NCKAP5: variants seen among roughly 807,000 people sequenced by gnomAD.
NCKAP5 encodes nck-associated protein 5.
Under a neutral mutation model 167.0 loss-of-function variants are expected in NCKAP5, and 92 were observed. The observed-to-expected ratio is 0.55, with a 90% CI of 0.47 to 0.66. The LOEUF is 0.66. NCKAP5 is among the 30% of genes least tolerant of loss of function. The pLI, the probability that NCKAP5 is intolerant of heterozygous loss-of-function variation, is 0.00. For synonymous variants in NCKAP5, 891 were observed against 877.4 expected (o/e 1.02, Z -0.27); for missense variants, 2,378 against 2,315.0 (o/e 1.03, Z -0.56).
rs957910219 is a variant in NCKAP5 at position 133,422,731 on chromosome 2, T to G, written c.69+94727A>C. Among the ~76,000 whole-genome samples the G allele has an allele frequency of 1.3e-5, 2 of 152,190 alleles. 1 individual carries two copies. Among genetic ancestry groups the G allele is most frequent in the Admixed American group, 1.3e-4 (2 of 15,282 alleles). On this transcript the variant is annotated intron_variant, in intron 3 of 19. Transcript: ENST00000409261. The stretch of plus-strand genomic sequence containing the variant: ...CTCTTTTAAATAATAGAGATAGATA[T>G]GCAGAACCACTTGGCATCACTAAAA...
At chr2:133,497,093 A>G (rs899526665) in intron 3 of NCKAP5, among the ~76,000 whole-genome samples, 2 of 152,226 alleles carry the variant, frequency 1.3e-5, no homozygotes, top group Non-Finnish European at 2.9e-5. Context: ...ATGGAAACTG[A>G]GCACTATACA....
At chr2:133,577,954 G>C in the NCKAP5 span, among the ~76,000 whole-genome samples, 1 of 152,112 alleles carries the variant, frequency 6.6e-6, no homozygotes, top group African/African-American at 2.4e-5. Context: ...CACCTAAGAC[G>C]ACCCAGCTCC....
intron 3 of NCKAP5, among the ~76,000 whole-genome samples, chr2:133,468,549 C>G (rs1441910583): frequency 1.3e-5 from 2 of 152,010 alleles, no homozygotes; most frequent in East Asian, 1.9e-4. Flanking sequence ...GAGCTGAGTT[C>G]AATTCCTGGG....
chr2:133,493,284 C>A (rs1396016059), intron 3 of NCKAP5, among the ~76,000 whole-genome samples: 8 of 152,150 alleles, frequency 5.3e-5, no homozygotes, highest in African/African-American at 1.7e-4. Context: ...CATGTCAATA[C>A]AACAGGTCCA....
intron 5 of NCKAP5, among the ~76,000 whole-genome samples, chr2:133,172,558 G>C (rs550517703): frequency 6.6e-6 from 1 of 152,114 alleles, no homozygotes; most frequent in African/African-American, 2.4e-5. Context: ...TGCAACCTCC[G>C]CCTCCCAAGT....
intron 7 of NCKAP5, among the ~76,000 whole-genome samples, chr2:132,966,506 G>C (rs764572590): frequency 6.6e-6 from 1 of 152,090 alleles, no homozygotes; most frequent in African/African-American, 2.4e-5. Flanking sequence ...TAGTGAATTC[G>C]TGTCATTCAC....
At chr2:132,780,635 C>T (rs886498652) in intron 15 of NCKAP5, among the ~76,000 whole-genome samples, 1 of 152,162 alleles carries the variant, frequency 6.6e-6, no homozygotes, top group Non-Finnish European at 1.5e-5. Flanking sequence ...TCAAAATAGG[C>T]AATACTCTCT....
intron 3 of NCKAP5, among the ~76,000 whole-genome samples, chr2:133,477,541 C>T (rs1003015031): frequency 1.3e-5 from 2 of 152,140 alleles, no homozygotes; most frequent in African/African-American, 4.8e-5. Flanking sequence ...TAGAACCCAA[C>T]CCTATATACA....
intron 16 of NCKAP5, among the ~76,000 whole-genome samples, chr2:132,753,968 C>T (rs1680322149): frequency 6.6e-6 from 1 of 152,190 alleles, no homozygotes; most frequent in Non-Finnish European, 1.5e-5. Context: ...TCCCTCATTC[C>T]TCAGGTGAGA....
Position 133,442,557 on chromosome 2 carries a change from T to C in NCKAP5, c.69+74901A>G, listed in dbSNP as rs147236650. ...CAACCCCACTGCTTCCCTTCTAGGGTGTAGGTCTCCTAATGGACTGCCTCC... is the reference window on the plus strand; with the variant it reads ...CAACCCCACTGCTTCCCTTCTAGGGCGTAGGTCTCCTAATGGACTGCCTCC... On this transcript the variant is annotated intron_variant, in intron 3 of 19. Transcript: ENST00000409261. Among the ~76,000 whole-genome samples, 1,452 of 152,276 alleles carry C rather than the reference T, an allele frequency of 9.5e-3. 11 individuals are homozygous for C. The highest frequency in any genetic ancestry group is 0.013 in the Non-Finnish European group (868 of 67,998).
rs1460807419 is a variant in NCKAP5, at chr2:133,213,928, A to ACTGATTGGTCATGAATGCATTGTTT, written c.144-174_144-150dup. On this transcript the variant is annotated intron_variant, in intron 4 of 19. Coordinates refer to ENST00000409261, the MANE Select transcript of NCKAP5 (RefSeq NM_207363.3). ...CTCTATACTTTCTATAAATATTTAAACTGATTGGTCATGAATGCATTGTTT... is the reference window on the plus strand; with the variant it reads ...CTCTATACTTTCTATAAATATTTAAACTGATTGGTCATGAATGCATTGTTTCTGATTGGTCATGAATGCATTGTTT... 7.1e-6 allele frequency: 5 copies of ACTGATTGGTCATGAATGCATTGTTT among 700,838 alleles called. No homozygotes were observed. The African/African-American group carries it at 7.2e-5, about 10-fold the overall frequency. The allele number at this position is 700,838 out of a possible 1,614,324, so 43.4% of individuals were successfully genotyped here. A position where few individuals can be genotyped will look rare whatever the true frequency, so the allele number is the denominator to read the frequency against.
intron 19 of NCKAP5, among the ~76,000 whole-genome samples, chr2:132,698,092 C>T (rs1687519316): frequency 6.6e-6 from 1 of 152,182 alleles, no homozygotes; most frequent in Non-Finnish European, 1.5e-5. Flanking sequence ...GTTATGCAGA[C>T]CATGTCTTTA....
intron 3 of NCKAP5, among the ~76,000 whole-genome samples, chr2:133,498,271 GC>G (rs1682120864): frequency 6.6e-6 from 1 of 152,126 alleles, no homozygotes; most frequent in Non-Finnish European, 1.5e-5. Context: ...GCTGCAAAAG[GC>G]TGGGGAGGGG....
intron 6 of NCKAP5, among the ~76,000 whole-genome samples, chr2:133,037,926 G>A (rs1191812604): frequency 6.6e-6 from 1 of 151,898 alleles, no homozygotes; most frequent in Admixed American, 6.6e-5. Flanking sequence ...GAATATACTT[G>A]TCCCAGTTAA....
intron 6 of NCKAP5, among the ~76,000 whole-genome samples, chr2:133,019,388 G>A (rs952075843): frequency 2.0e-5 from 3 of 152,138 alleles, no homozygotes; most frequent in African/African-American, 7.2e-5. Context: ...AATTGGGGCA[G>A]GGGAAGGAAG....
At chr2:132,795,537 C>G (rs1422964678) in intron 12 of NCKAP5, among the ~76,000 whole-genome samples, 1 of 152,042 alleles carries the variant, frequency 6.6e-6, no homozygotes, top group Non-Finnish European at 1.5e-5. Context: ...GATAATGAAG[C>G]TGGCCCAGTG....
intron 6 of NCKAP5, among the ~76,000 whole-genome samples, chr2:133,093,999 G>C (rs2081270129): frequency 6.6e-6 from 1 of 152,186 alleles, no homozygotes; most frequent in Non-Finnish European, 1.5e-5. Flanking sequence ...GAGGTCTGAG[G>C]CTCTCAGGGA....
chr2:133,534,267 T>G (rs573064327), intron 2 of NCKAP5, among the ~76,000 whole-genome samples: 5 of 152,314 alleles, frequency 3.3e-5, no homozygotes, highest in East Asian at 3.9e-4. Flanking sequence ...AATATTTTGA[T>G]CAATATCACA....
chr2:132,937,359 C>G (rs16843889), intron 8 of NCKAP5, among the ~76,000 whole-genome samples: 1 of 152,196 alleles, frequency 6.6e-6, no homozygotes, highest in Admixed American at 6.5e-5. Flanking sequence ...TGTTTACTAA[C>G]TGTGTTCATT....
Sources: allele counts gnomAD v4.1 joint callset (sites outside exome capture counted in the v4.1 genomes callset), GRCh38; gene constraint gnomAD v4.1.1; transcripts MANE v1.5; gene names NCBI Gene and HGNC (gene_info 2026-07-23, HGNC 2026-07-21).